The following PDE4D variants were observed in gnomAD, a reference collection of about 807,000 sequenced individuals.
PDE4D encodes phosphodiesterase 4D, also known as 3',5'-cyclic-AMP phosphodiesterase 4D.
A neutral mutation model predicts 87.4 loss-of-function variants in PDE4D; 24 were observed. That is an observed-to-expected ratio of 0.27 (90% confidence interval 0.20 to 0.39). The LOEUF is 0.39. PDE4D is among the 10% of genes least tolerant of loss of function. PDE4D has a pLI of 1.00. For synonymous variants in PDE4D, 384 were observed against 383.2 expected, an observed-to-expected ratio of 1.00 and a Z score of -0.02; for missense variants, 714 against 1,041.0, an observed-to-expected ratio of 0.69 and a Z score of 4.32.
chr5:60,214,182 C>A (rs997444563), intron 1 of PDE4D, among the ~76,000 whole-genome samples: 11 of 152,160 alleles, frequency 7.2e-5, no homozygotes, highest in African/African-American at 2.7e-4. Flanking sequence ...AGTATCACTT[C>A]TCATGTAGCC....
chr5:59,791,348 C>T (rs1057324795), intron 1 of PDE4D, among the ~76,000 whole-genome samples: 9 of 152,304 alleles, frequency 5.9e-5, no homozygotes, highest in Middle Eastern at 3.4e-3. Flanking sequence ...TGGGAGTTCA[C>T]GGCGCTGAGA....
intron 6 of PDE4D, among the ~76,000 whole-genome samples, chr5:59,015,767 T>C (rs1753825669): frequency 6.6e-6 from 1 of 152,172 alleles, no homozygotes; most frequent in Non-Finnish European, 1.5e-5. Context: ...AGCCATCCCA[T>C]TACTGGATAT....
chr5:60,411,061 G>C (rs917317901), intron 1 of PDE4D, among the ~76,000 whole-genome samples: 1 of 152,120 alleles, frequency 6.6e-6, no homozygotes, highest in Non-Finnish European at 1.5e-5. Context: ...TTTGAACATA[G>C]GCTGACTGGC....
At chr5:60,284,514 A>G (rs1442382456) in intron 1 of PDE4D, among the ~76,000 whole-genome samples, 1 of 152,160 alleles carries the variant, frequency 6.6e-6, no homozygotes, top group Admixed American at 6.6e-5. Flanking sequence ...TATATGAAAA[A>G]GAAGTGTGTT....
intron 1 of PDE4D, among the ~76,000 whole-genome samples, chr5:60,394,217 T>C (rs1422296851): frequency 6.6e-6 from 1 of 152,168 alleles, no homozygotes; most frequent in African/African-American, 2.4e-5. Flanking sequence ...AACTAACACA[T>C]ACAAAGAATT....
chr5:59,883,191 C>A (rs1204097609), intron 1 of PDE4D, among the ~76,000 whole-genome samples: 2 of 152,164 alleles, frequency 1.3e-5, no homozygotes, highest in Non-Finnish European at 2.9e-5. Flanking sequence ...TTGAGGGCTA[C>A]AGTTACAGGA....
At chr5:60,323,161 C>T (rs533797056) in intron 1 of PDE4D, among the ~76,000 whole-genome samples, 3 of 152,318 alleles carry the variant, frequency 2.0e-5, no homozygotes, top group East Asian at 3.9e-4. Flanking sequence ...TCATGTACCA[C>T]CTGTACACTT....
chr5:60,349,645 C>T (rs923074268), intron 1 of PDE4D, among the ~76,000 whole-genome samples: 1 of 152,144 alleles, frequency 6.6e-6, no homozygotes, highest in African/African-American at 2.4e-5. Flanking sequence ...TAAACACAAT[C>T]CCAAAATAAA....
At chr5:60,437,912 C>T (rs901553496) in intron 1 of PDE4D, among the ~76,000 whole-genome samples, 4 of 152,006 alleles carry the variant, frequency 2.6e-5, no homozygotes, top group African/African-American at 9.7e-5. Context: ...ACAACTTTTG[C>T]AAAAGAAGAC....
At chr5:59,595,643 G>C (rs1395259464) in intron 1 of PDE4D, among the ~76,000 whole-genome samples, 1 of 152,146 alleles carries the variant, frequency 6.6e-6, no homozygotes, top group African/African-American at 2.4e-5. Flanking sequence ...TACTGGGGAA[G>C]GCAGTTCAAT....
At chr5:59,004,197 C>T (rs1364806933) in intron 6 of PDE4D, among the ~76,000 whole-genome samples, 3 of 151,616 alleles carry the variant, frequency 2.0e-5, no homozygotes, top group Admixed American at 6.6e-5. Context: ...TAATTTCTAT[C>T]AAATACTACA....
intron 1 of PDE4D, among the ~76,000 whole-genome samples, chr5:59,507,174 A>G (rs1022792873): frequency 7.2e-5 from 11 of 152,122 alleles, no homozygotes; most frequent in Non-Finnish European, 1.5e-4. Flanking sequence ...TCTACTAAAA[A>G]TACAAAAATT....
At chr5:59,079,303 A>T (rs1216786009) in intron 5 of PDE4D, among the ~76,000 whole-genome samples, 5 of 152,224 alleles carry the variant, frequency 3.3e-5, no homozygotes, top group Admixed American at 2.0e-4. Context: ...GAAAAATCTC[A>T]TGGTAGAAAT....
At position 59,292,858 on chromosome 5, in the gene PDE4D, G is replaced by A. The variant is rs189698497; in HGVS notation, c.456-76890C>T. Among the ~76,000 whole-genome samples, 15 of 152,238 alleles carry A rather than the reference G, an allele frequency of 9.9e-5. No individual in the cohort carries two copies. In the East Asian group the frequency reaches 2.1e-3, roughly 22 times the overall value. ...TGGAGGTGGGATCTGGAAAGAAAGG[G>A]AATTCTGGTAAGAAGTGATTCATGC... On this transcript the variant is annotated intron_variant, in intron 1 of 14. Coordinates refer to ENST00000340635, the MANE Select transcript of PDE4D (RefSeq NM_001104631.2).
chr5:60,369,405 T>A (rs112171734), intron 1 of PDE4D, among the ~76,000 whole-genome samples: 1 of 152,104 alleles, frequency 6.6e-6, no homozygotes, highest in Non-Finnish European at 1.5e-5. Flanking sequence ...TATTTCCCCA[T>A]GGGTTCAGAA....
chr5:59,413,457 C>CAA lies in PDE4D; in HGVS notation c.456-197491_456-197490dup, dbSNP rs34074485. 3.4e-3 allele frequency among the ~76,000 whole-genome samples: 183 copies of CAA among 54,232 alleles called. 1 individual carries two copies. Among genetic ancestry groups the CAA allele is most frequent in the Non-Finnish European group, 4.8e-3 (146 of 30,496 alleles). 35.6% of individuals were successfully genotyped at this position (54,232 alleles called of 152,430 possible). On this transcript the variant is annotated intron_variant, in intron 1 of 14. Coordinates refer to ENST00000340635, the MANE Select transcript of PDE4D (RefSeq NM_001104631.2). ...TGGGTGACTGAGTGAGACTCCATCT[C>CAA]AAAAAAAAAAAAAAAAAAAAAAAAG...
chr5:60,030,247 G>A (rs896053989), intron 2 of PDE4D, among the ~76,000 whole-genome samples: 4 of 151,820 alleles, frequency 2.6e-5, no homozygotes, highest in Non-Finnish European at 4.4e-5. Flanking sequence ...TCAGGAGATC[G>A]AGACCATCCT....
intron 1 of PDE4D, among the ~76,000 whole-genome samples, chr5:59,459,358 T>C (rs1053569871): frequency 1.3e-5 from 2 of 152,222 alleles, no homozygotes; most frequent in African/African-American, 4.8e-5. Context: ...TGTTTGTCTC[T>C]ATCTCGGTAG....
intron 1 of PDE4D, among the ~76,000 whole-genome samples, chr5:60,415,410 G>C (rs1170752038): frequency 6.6e-6 from 1 of 152,270 alleles, no homozygotes; most frequent in Non-Finnish European, 1.5e-5. Context: ...TTTCTCGGCT[G>C]GCCAAGGCCG....
Sources: gnomAD v4.1 joint callset for allele counts (sites outside exome capture counted in the v4.1 genomes callset) on GRCh38, gnomAD v4.1.1 for gene constraint, MANE v1.5 for transcripts, NCBI Gene and HGNC (gene_info 2026-07-23, HGNC 2026-07-21) for gene names.